AXDND1: variants seen among roughly 807,000 people sequenced by gnomAD.
AXDND1 encodes the protein axonemal dynein light chain domain containing 1, also known as axonemal dynein light chain domain-containing protein 1.
A neutral mutation model predicts 137.5 loss-of-function variants in AXDND1; 110 were observed. The observed-to-expected ratio is 0.80, with a 90% CI of 0.69 to 0.94. The LOEUF is 0.94. Ranked by LOEUF, AXDND1 falls within the 40% of genes least tolerant of loss-of-function variation. AXDND1 has a pLI of 0.00. For synonymous variants in AXDND1, 414 were observed against 399.7 expected, an observed-to-expected ratio of 1.04 and a Z score of -0.43; for missense variants, 1,191 against 1,169.8, an observed-to-expected ratio of 1.02 and a Z score of -0.26.
rs1668010136 is a variant in AXDND1 at position 179,371,288 on chromosome 1, C to T, written c.374+1210C>T. ...ACAAAAAATACAAAAATTAGCCAGG[C>T]GTGGTGGCGCACACCTGTAATCCCA... On this transcript the variant is annotated intron_variant, in intron 4 of 25. Transcript: ENST00000367618. Among the ~76,000 whole-genome samples the T allele has an allele frequency of 3.9e-5, 6 of 151,936 alleles. No homozygotes were observed. In the South Asian group the frequency reaches 1.3e-3, roughly 32 times the overall value.
At chr1:179,427,746 A>G (rs904714643) in intron 12 of AXDND1, among the ~76,000 whole-genome samples, 1 of 152,222 alleles carries the variant, frequency 6.6e-6, no homozygotes, top group African/African-American at 2.4e-5. Context: ...CCCTTGAAAC[A>G]GTACTATCAT....
At position 179,554,595 on chromosome 1, in the gene AXDND1, C is replaced by T; in HGVS notation, c.*76C>T. On this transcript the variant is annotated 3_prime_UTR_variant, in exon 26 of 26. Transcript: ENST00000367618. ...AGGTGGGAGGAGAGCATGCCTAAAC[C>T]CTGGTGGCCATTGTTCTGTACTAAG... 2 of 1,606,670 alleles carry T rather than the reference C, an allele frequency of 1.2e-6. No individual in the cohort carries two copies. The highest frequency in any genetic ancestry group is 2.2e-5 in the South Asian group (2 of 90,888).
intron 11 of AXDND1, among the ~76,000 whole-genome samples, chr1:179,399,828 C>A (rs905322995): frequency 6.6e-6 from 1 of 152,100 alleles, no homozygotes; most frequent in Non-Finnish European, 1.5e-5. Context: ...TGAAAAAATG[C>A]TCAACATCAC....
intron 16 of AXDND1, among the ~76,000 whole-genome samples, chr1:179,466,380 C>A (rs1022187169): frequency 6.7e-6 from 1 of 149,030 alleles, no homozygotes; most frequent in African/African-American, 2.5e-5. Context: ...CCCCCTTGAC[C>A]TCTCAAAGTG....
intron 17 of AXDND1, among the ~76,000 whole-genome samples, chr1:179,474,055 T>C (rs2125503088): frequency 6.6e-6 from 1 of 152,066 alleles, no homozygotes; most frequent in African/African-American, 2.4e-5. Context: ...GAAACCCCCG[T>C]CTCTACTAAA....
chr1:179,460,170 C>A (rs1662112064), intron 16 of AXDND1, among the ~76,000 whole-genome samples: 1 of 151,902 alleles, frequency 6.6e-6, no homozygotes, highest in Admixed American at 6.6e-5. Context: ...TTAGGTGTAT[C>A]TCCTAATGCT....
At chr1:179,448,997 C>T (rs10913770) in intron 16 of AXDND1, 90,068 of 316,072 alleles carry the variant, frequency 0.28, 13,650 homozygotes, top group Non-Finnish European at 0.31. Flanking sequence ...AGCAATCCTC[C>T]CACCTCAACC....
chr1:179,444,700 CTTTT>C (rs57923612), intron 15 of AXDND1, among the ~76,000 whole-genome samples: 2 of 146,300 alleles, frequency 1.4e-5, no homozygotes, highest in Admixed American at 6.8e-5. Flanking sequence ...CTTATCACTA[CTTTT>C]TTTTTTTTTT....
intron 23 of AXDND1, among the ~76,000 whole-genome samples, chr1:179,529,829 C>T (rs370043189): frequency 5.9e-5 from 9 of 152,134 alleles, no homozygotes; most frequent in South Asian, 2.1e-4. Flanking sequence ...GGCCAGGCAG[C>T]GGCTATTTCA....
intron 9 of AXDND1, among the ~76,000 whole-genome samples, chr1:179,392,664 T>G (rs1298682161): frequency 1.3e-5 from 2 of 152,238 alleles, no homozygotes; most frequent in Non-Finnish European, 2.9e-5. Context: ...TTATGGCCAT[T>G]CTTGCAGTAG....
At chr1:179,489,739 T>G (rs1270550484) in intron 18 of AXDND1, among the ~76,000 whole-genome samples, 1 of 111,558 alleles carries the variant, frequency 9.0e-6, no homozygotes, top group Non-Finnish European at 1.7e-5. Context: ...GCTACTACTT[T>G]TCTTTTTTTT....
Position 179,406,364 on chromosome 1 carries a change from TA to T in AXDND1, c.1110-4780del, listed in dbSNP as rs1571684633. On this transcript the variant is annotated intron_variant, in intron 11 of 25. Transcript: ENST00000367618. Reference sequence around the variant, plus strand: ...GGATAAAATGTTTTGTAAATTCCTGTAATGTCCATTTGTTCTAAAGTATTGC... The same window carrying T: ...GGATAAAATGTTTTGTAAATTCCTGTATGTCCATTTGTTCTAAAGTATTGC... Among the ~76,000 whole-genome samples, 4 of 152,346 alleles carry T rather than the reference TA, an allele frequency of 2.6e-5. No homozygotes were observed. The East Asian group carries it at 7.7e-4, about 29-fold the overall frequency.
At chr1:179,404,149 T>C (rs12749809) in intron 11 of AXDND1, among the ~76,000 whole-genome samples, 31,132 of 151,908 alleles carry the variant, frequency 0.2, 3,364 homozygotes, top group Non-Finnish European at 0.24. Flanking sequence ...GTATTTTATC[T>C]ATTCATGACA....
chr1:179,491,988 C>T (rs72704427), intron 19 of AXDND1, among the ~76,000 whole-genome samples: 9,572 of 152,210 alleles, frequency 0.063, 353 homozygotes, highest in African/African-American at 0.07. Context: ...AAAGGACTCA[C>T]TTTCTTGCAT....
intron 12 of AXDND1, among the ~76,000 whole-genome samples, chr1:179,416,089 C>T (rs749861464): frequency 3.3e-5 from 5 of 152,104 alleles, no homozygotes; most frequent in Non-Finnish European, 7.3e-5. Flanking sequence ...TCTTTATCTT[C>T]TCTCTCTCCT....
At chr1:179,389,301 A>C (rs1649748514) in intron 9 of AXDND1, among the ~76,000 whole-genome samples, 2 of 152,082 alleles carry the variant, frequency 1.3e-5, no homozygotes, top group Admixed American at 6.5e-5. Context: ...TTTATTTCTC[A>C]AACATTTCAT....
At chr1:179,553,353 CCTAAATGTCCATCAG>C (rs1183301674) in intron 25 of AXDND1, among the ~76,000 whole-genome samples, 2 of 152,168 alleles carry the variant, frequency 1.3e-5, no homozygotes, top group African/African-American at 4.8e-5. Flanking sequence ...GCAGAAACAA[CCTAAATGTCCATCAG>C]CTGATGAACC....
chr1:179,475,730 G>C (rs1664533191), intron 17 of AXDND1, among the ~76,000 whole-genome samples: 2 of 152,142 alleles, frequency 1.3e-5, no homozygotes, highest in Non-Finnish European at 2.9e-5. Flanking sequence ...TTTAGACTTT[G>C]GGGGACTGTT....
At chr1:179,480,647 TTTC>T (rs1665253754) in intron 17 of AXDND1, among the ~76,000 whole-genome samples, 1 of 152,078 alleles carries the variant, frequency 6.6e-6, no homozygotes, top group Non-Finnish European at 1.5e-5. Context: ...CCTTGTAAGG[TTTC>T]TTTTTGTTGT....
Sources: allele counts gnomAD v4.1 joint callset (sites outside exome capture counted in the v4.1 genomes callset), GRCh38; gene constraint gnomAD v4.1.1; transcripts MANE v1.5; gene names NCBI Gene and HGNC (gene_info 2026-07-23, HGNC 2026-07-21).